Variants in LPA observed in about 807,000 individuals in gnomAD.
LPA encodes lipoprotein(a), also known as apolipoprotein(a).
Under a neutral mutation model 197.9 loss-of-function variants are expected in LPA, and 199 were observed. The ratio of observed to expected loss-of-function variants is 1.01; its 90% CI spans 0.90 to 1.13. The LOEUF (loss-of-function observed/expected upper bound fraction) is 1.13, where lower values mean the gene tolerates loss of function less well. LPA is among the 50% of genes most tolerant of loss of function. LPA has a pLI of 0.00. For missense variants in LPA, 1,853 were observed against 1,785.8 expected, an observed-to-expected ratio of 1.04 and a Z score of -0.68; for synonymous variants, 715 against 639.5, an observed-to-expected ratio of 1.12 and a Z score of -1.78.
chr6:160,608,111 A>G (rs1024676703), intron 16 of LPA, among the ~76,000 whole-genome samples: 2 of 152,112 alleles, frequency 1.3e-5, no homozygotes, highest in African/African-American at 4.8e-5. Flanking sequence ...AATATATAGA[A>G]ATTTGGTCAA....
chr6:160,654,044 AT>A lies in LPA; in HGVS notation c.50-3548del, dbSNP rs1780076470. Among the ~76,000 whole-genome samples the A allele has an allele frequency of 8.0e-4, 6 of 7,476 alleles. 1 individual carries two copies. The highest frequency in any genetic ancestry group is 4.4e-3 in the African/African-American group (6 of 1,362). The allele number at this position is 7,476 out of a possible 152,430, so 4.9% of individuals were successfully genotyped here. ...TAATATATAATATATATTATATATA[AT>A]ATATAATATATTATATATATTATAT... On this transcript the variant is annotated intron_variant, in intron 1 of 38. Transcript: ENST00000316300.
At chr6:160,571,400 T>G (rs535461050) in intron 28 of LPA, among the ~76,000 whole-genome samples, 1 of 152,266 alleles carries the variant, frequency 6.6e-6, no homozygotes, top group South Asian at 2.1e-4. Context: ...AGAGCTCTAG[T>G]GCTGTGTTGG....
At chr6:160,532,694 T>G in intron 37 of LPA, 45 bp from the exon 38 acceptor site, 3 of 1,290,244 alleles carry the variant, frequency 2.3e-6, no homozygotes, top group Non-Finnish European at 3.4e-6. Context: ...GGCCAAAGCT[T>G]GTTCACGAGG....
In LPA at chr6:160,576,410, A is replaced by G. The variant is rs182620039; in HGVS notation, c.4631+726T>C. On this transcript the variant is annotated intron_variant, in intron 28 of 38. Coordinates refer to ENST00000316300, the MANE Select transcript of LPA (RefSeq NM_005577.4). ...TATATGTATATATATATATATATATATATATGGGTATATATATATATACAC... is the reference window on the plus strand; with the variant it reads ...TATATGTATATATATATATATATATGTATATGGGTATATATATATATACAC... Among the ~76,000 whole-genome samples, 109 of 55,118 alleles carry G rather than the reference A, an allele frequency of 2.0e-3. 2 individuals carry two copies. The highest frequency in any genetic ancestry group is 4.5e-3 in the Admixed American group (27 of 5,950). The allele number at this position is 55,118 out of a possible 152,430, so 36.2% of individuals were successfully genotyped here. A position where few individuals can be genotyped will look rare whatever the true frequency, so the allele number is the denominator to read the frequency against.
intron 27 of LPA, among the ~76,000 whole-genome samples, chr6:160,577,726 A>T (rs1023014414): frequency 5.9e-5 from 9 of 152,170 alleles, no homozygotes; most frequent in Admixed American, 3.3e-4. Flanking sequence ...AAAAGGCTTA[A>T]TCTTTTGAAA....
intron 28 of LPA, among the ~76,000 whole-genome samples, chr6:160,571,457 G>T (rs923927299): frequency 2.0e-5 from 3 of 152,196 alleles, no homozygotes; most frequent in Non-Finnish European, 4.4e-5. Flanking sequence ...AACTAAGTCT[G>T]CTGGAGCTGC....
At chr6:160,609,133 C>A (rs1477900958) in intron 16 of LPA, among the ~76,000 whole-genome samples, 2 of 151,994 alleles carry the variant, frequency 1.3e-5, no homozygotes, top group Admixed American at 1.3e-4. Flanking sequence ...GTCAAATTTT[C>A]ATGCAATTCT....
intron 33 of LPA, among the ~76,000 whole-genome samples, chr6:160,544,889 A>G (rs1050296614): frequency 2.6e-5 from 4 of 152,188 alleles, no homozygotes; most frequent in Admixed American, 2.6e-4. Context: ...GAACCTAACA[A>G]GCAGTCTCTA....
intron 2 of LPA, among the ~76,000 whole-genome samples, chr6:160,647,471 G>A (rs1240217414): frequency 6.6e-6 from 1 of 152,170 alleles, no homozygotes; most frequent in South Asian, 2.1e-4. Flanking sequence ...ATGTGGCCTA[G>A]TCTCAGTCCC....
At chr6:160,564,150 T>A (rs1778409787) in intron 28 of LPA, among the ~76,000 whole-genome samples, 1 of 152,218 alleles carries the variant, frequency 6.6e-6, no homozygotes, top group Non-Finnish European at 1.5e-5. Context: ...ATGCAGTTTC[T>A]TTATAGTGTT....
At chr6:160,586,359 C>T (rs1412495781) in intron 25 of LPA, 90 bp downstream of exon 25, 13 of 1,455,290 alleles carry the variant, frequency 8.9e-6, no homozygotes, top group Non-Finnish European at 1.2e-5. Flanking sequence ...ACTTCCTGTG[C>T]AGCATGGAAG....
At chr6:160,545,640 C>G (rs950584919) in intron 32 of LPA, 107 bp from the exon 33 acceptor site, 2 of 760,272 alleles carry the variant, frequency 2.6e-6, no homozygotes, top group African/African-American at 1.7e-5. Context: ...CAAAAGGGAG[C>G]GTTCCTTCTT....
chr6:160,544,281 G>A (rs1356379437), intron 33 of LPA, among the ~76,000 whole-genome samples: 1 of 152,072 alleles, frequency 6.6e-6, no homozygotes, highest in Non-Finnish European at 1.5e-5. Flanking sequence ...CAGAAGCGGA[G>A]AACTGGAACT....
Position 160,532,511 on chromosome 6 carries a change from A to C in LPA, c.5961+20T>G, listed in dbSNP as rs757468292. The C allele has an allele frequency of 1.3e-6, 2 of 1,532,962 alleles. No homozygotes were observed. The highest frequency in any genetic ancestry group is 3.3e-5 in the Admixed American group (2 of 59,866). 95.0% of individuals were successfully genotyped at this position (1,532,962 alleles called of 1,614,324 possible). A position where few individuals can be genotyped will look rare whatever the true frequency, so the allele number is the denominator to read the frequency against. The stretch of plus-strand genomic sequence containing the variant: ...TGAGACGGGAGAGCACAAGACTTTG[A>C]TCTATTGATCTTTTCTTACCTGGCA... On this transcript the variant is annotated intron_variant, in intron 38 of 38. Transcript: ENST00000316300.
At chr6:160,609,722 C>T (rs1037296453) in intron 16 of LPA, among the ~76,000 whole-genome samples, 2 of 151,670 alleles carry the variant, frequency 1.3e-5, no homozygotes, top group Non-Finnish European at 2.9e-5. Flanking sequence ...CTCTGAGGGT[C>T]GGTTAATTTT....
In LPA at chr6:160,566,006, A is replaced by G. The variant is rs527255409; in HGVS notation, c.4632-8435T>C. 2.0e-5 allele frequency among the ~76,000 whole-genome samples: 3 copies of G among 152,328 alleles called. No individual in the cohort carries two copies. The South Asian group carries it at 6.2e-4, about 32-fold the overall frequency. Reference sequence around the variant, plus strand: ...AAAAGGAGTAAAAAGAAATGAACAAAGCCTCCAATAAATATGGGACTATGT... The same window carrying G: ...AAAAGGAGTAAAAAGAAATGAACAAGGCCTCCAATAAATATGGGACTATGT... On this transcript the variant is annotated intron_variant, in intron 28 of 38. Transcript: ENST00000316300.
At position 160,591,019 on chromosome 6, in the gene LPA, C is replaced by G; in HGVS notation, c.3712G>C (p.Glu1238Gln). Residue 1238 changes from glutamate to glutamine, a missense_variant, in exon 23 of 39, where the codon GAG becomes CAG. Physicochemically the swap from Glu to Gln is conservative, Grantham distance 29. Coordinates refer to ENST00000316300, the MANE Select transcript of LPA (RefSeq NM_005577.4). The stretch of plus-strand genomic sequence containing the variant: ...GGACATTGTGTCAGGTTGCAGTACT[C>G]CCATCTGACATTGGGATCCATGGTA... ...CYTMDPNVRW[E>Q]YCNLTQCPVT... The G allele has an allele frequency of 1.2e-6, 2 of 1,613,952 alleles. No homozygotes were observed. Among genetic ancestry groups the G allele is most frequent in the Non-Finnish European group, 1.7e-6 (2 of 1,179,908 alleles).
chr6:160,548,515 G>A lies in LPA; in HGVS notation c.5118C>T (p.Val1706=), dbSNP rs746119187. The change falls in exon 31 of 39, where the codon GTC becomes GTT. Residue 1706 remains valine (V), a synonymous_variant. Coordinates refer to ENST00000316300, the MANE Select transcript of LPA (RefSeq NM_005577.4). ...TEGTVVAPPT[V]IQVPSLGPPS... ...GAGGCCCTAGGCTTGGAACCTGGAT[G>A]ACAGTCGGAGGAGCGACCACAGTCC... 13 of 1,613,924 alleles carry A rather than the reference G, an allele frequency of 8.1e-6. No individual in the cohort carries two copies. In the South Asian group the frequency reaches 9.9e-5, roughly 12 times the overall value.
At position 160,577,136 on chromosome 6, in the gene LPA, G is replaced by C. The variant is rs753180293; in HGVS notation, c.4631C>G (p.Ala1544Gly). The change falls in exon 28 of 39, where the codon GCT becomes GGT. Residue 1544 changes from alanine (A) to glycine (G), a missense_variant and splice_region_variant. Coordinates refer to ENST00000316300, the MANE Select transcript of LPA (RefSeq NM_005577.4). ...HQRTPENYPN[A>G]GLTENYCRNP... ...CTTATGGTTTTAATCAAATACATAC[G>C]CATTTGGGTAGTTTTCTGGGGTCCT... 6.2e-7 allele frequency: 1 copy of C among 1,613,222 alleles called. No individual in the cohort carries two copies. Among genetic ancestry groups the C allele is most frequent in the Non-Finnish European group, 8.5e-7 (1 of 1,179,586 alleles).
Sources: gnomAD v4.1 joint callset for allele counts (sites outside exome capture counted in the v4.1 genomes callset) on GRCh38, gnomAD v4.1.1 for gene constraint, MANE v1.5 for transcripts, NCBI Gene and HGNC (gene_info 2026-07-23, HGNC 2026-07-21) for gene names.